The following GMDS variants were observed in gnomAD, a reference collection of about 807,000 sequenced individuals.
GMDS encodes GDP-mannose 4,6-dehydratase.
Under a neutral mutation model 49.9 loss-of-function variants are expected in GMDS, and 20 were observed. The observed-to-expected ratio is 0.40, with a 90% CI of 0.28 to 0.58. GMDS has a LOEUF of 0.58. GMDS is among the 20% of genes least tolerant of loss of function. GMDS has a pLI of 0.42. For missense variants in GMDS, 362 were observed against 481.4 expected (o/e 0.75, Z 2.32); for synonymous variants, 177 against 178.6 (o/e 0.99, Z 0.07).
chr6:1,949,778 C>T (rs1763251927), intron 6 of GMDS, among the ~76,000 whole-genome samples: 1 of 152,160 alleles, frequency 6.6e-6, no homozygotes, highest in Admixed American at 6.5e-5. Flanking sequence ...TAGCGGCCAA[C>T]AATCTAACCA....
At chr6:1,810,146 G>A (rs987837453) in intron 7 of GMDS, among the ~76,000 whole-genome samples, 1 of 152,162 alleles carries the variant, frequency 6.6e-6, no homozygotes, top group African/African-American at 2.4e-5. Flanking sequence ...CATTCCAGAG[G>A]AGAGGGAGCT....
chr6:2,101,777 G>A (rs1773941380), intron 4 of GMDS, among the ~76,000 whole-genome samples: 1 of 151,824 alleles, frequency 6.6e-6, no homozygotes, highest in African/African-American at 2.4e-5. Flanking sequence ...GAAAAACAAT[G>A]GCCACATGAG....
chr6:1,841,765 C>T (rs1757162052), intron 7 of GMDS, among the ~76,000 whole-genome samples: 1 of 152,084 alleles, frequency 6.6e-6, no homozygotes, highest in South Asian at 2.1e-4. Context: ...GGAGGAAGAA[C>T]CATGAGGAAG....
chr6:1,980,590 A>G (rs982938607), intron 4 of GMDS, among the ~76,000 whole-genome samples: 4 of 152,176 alleles, frequency 2.6e-5, no homozygotes, highest in African/African-American at 7.2e-5. Context: ...TTAGACTCCC[A>G]ACAATAATAG....
chr6:2,136,879 G>GGTGACAGA (rs1471058684), intron 1 of GMDS, among the ~76,000 whole-genome samples: 58 of 148,592 alleles, frequency 3.9e-4, no homozygotes, highest in Admixed American at 6.7e-4. Flanking sequence ...TTCTAGCCTG[G>GGTGACAGA]GTGACAGAGT....
Position 1,624,153 on chromosome 6 carries a change from G to A in GMDS, c.*16C>T. 1.2e-6 allele frequency: 2 copies of A among 1,604,978 alleles called. No individual in the cohort carries two copies. The highest frequency in any genetic ancestry group is 1.7e-6 in the Non-Finnish European group (2 of 1,178,290). On this transcript the variant is annotated 3_prime_UTR_variant, in exon 11 of 11. Coordinates refer to ENST00000380815, the MANE Select transcript of GMDS (RefSeq NM_001500.4). ...GGGATTGTAGCCGGAGGGCGGGCCG[G>A]GCTCCGAGGCGCTGCTCAGGCATTG...
chr6:2,089,480 G>A (rs1773196496), intron 4 of GMDS, among the ~76,000 whole-genome samples: 3 of 152,066 alleles, frequency 2.0e-5, no homozygotes. Context: ...TACAAAAGTT[G>A]AAGAAGGGAG....
intron 4 of GMDS, among the ~76,000 whole-genome samples, chr6:2,000,006 ATATTTTTTATATATATATATATC>A (rs1561962062): frequency 6.2e-4 from 5 of 8,074 alleles, no homozygotes; most frequent in Admixed American, 5.3e-3. Context: ...TTATATATAT[ATATTTTTTATATATATATATATC>A]TATATCTTTT....
chr6:1,781,724 C>A (rs1769094354), intron 7 of GMDS, among the ~76,000 whole-genome samples: 1 of 152,210 alleles, frequency 6.6e-6, no homozygotes, highest in Non-Finnish European at 1.5e-5. Flanking sequence ...TCATAACTTC[C>A]TTTCCTTTCA....
chr6:2,091,089 G>A lies in GMDS; in HGVS notation c.345+24682C>T, dbSNP rs142963273. On this transcript the variant is annotated intron_variant, in intron 4 of 10. Coordinates refer to ENST00000380815, the MANE Select transcript of GMDS (RefSeq NM_001500.4). ...TTGCTTCTTGGTTTATAGTATGGAA[G>A]ACTTCATAATGTTTAGTTGGAATTG... 3.0e-3 allele frequency among the ~76,000 whole-genome samples: 462 copies of A among 152,250 alleles called. 2 individuals carry two copies. The highest frequency in any genetic ancestry group is 0.01 in the African/African-American group (434 of 41,536).
rs149808394 is a variant in GMDS at position 2,062,257 on chromosome 6, T to C, written c.345+53514A>G. Reference sequence around the variant, plus strand: ...CACCTGAGAGTCCTGCATGGTTGCATGCAGCAGTCGCTCTTCTGGGGCATT... The same window carrying C: ...CACCTGAGAGTCCTGCATGGTTGCACGCAGCAGTCGCTCTTCTGGGGCATT... On this transcript the variant is annotated intron_variant, in intron 4 of 10. Transcript: ENST00000380815. Among the ~76,000 whole-genome samples, 852 of 152,338 alleles carry C rather than the reference T, an allele frequency of 5.6e-3. 11 individuals carry two copies. Among genetic ancestry groups the C allele is most frequent in the Non-Finnish European group, 7.7e-3 (521 of 68,028 alleles).
chr6:1,909,047 AACGCAGGATATTAGTC>A (rs1480772871), intron 7 of GMDS, among the ~76,000 whole-genome samples: 2 of 152,226 alleles, frequency 1.3e-5, no homozygotes, highest in Non-Finnish European at 2.9e-5. Context: ...TCCACCAGAA[AACGCAGGATATTAGTC>A]ACACCGGTCA....
intron 4 of GMDS, among the ~76,000 whole-genome samples, chr6:2,005,850 T>A (rs916565759): frequency 1.3e-5 from 2 of 152,140 alleles, no homozygotes; most frequent in African/African-American, 4.8e-5. Context: ...GGTCTTTATA[T>A]ATCACCACCT....
Position 2,050,999 on chromosome 6 carries a change from T to A in GMDS, c.345+64772A>T, listed in dbSNP as rs150514289. ...GGGAGGGATAGTATTAGGAGAAATATCTAATGTAAATAATGAGTTGATGGG... is the reference window on the plus strand; with the variant it reads ...GGGAGGGATAGTATTAGGAGAAATAACTAATGTAAATAATGAGTTGATGGG... On this transcript the variant is annotated intron_variant, in intron 4 of 10. Coordinates refer to ENST00000380815, the MANE Select transcript of GMDS (RefSeq NM_001500.4). Among the ~76,000 whole-genome samples, 848 of 152,086 alleles carry A rather than the reference T, an allele frequency of 5.6e-3. 6 individuals carry two copies. Among genetic ancestry groups the A allele is most frequent in the African/African-American group, 0.019 (793 of 41,472 alleles).
intron 7 of GMDS, among the ~76,000 whole-genome samples, chr6:1,819,990 C>A (rs1308577681): frequency 6.6e-6 from 1 of 151,718 alleles, no homozygotes; most frequent in Non-Finnish European, 1.5e-5. Flanking sequence ...GTACACTCTA[C>A]ACAATAACTA....
At chr6:1,869,789 C>A (rs1461228938) in intron 7 of GMDS, among the ~76,000 whole-genome samples, 1 of 152,240 alleles carries the variant, frequency 6.6e-6, no homozygotes, top group Non-Finnish European at 1.5e-5. Flanking sequence ...TGGATGGCGT[C>A]CCCTTCACAC....
At chr6:1,966,372 G>GAA (rs11377438) in intron 4 of GMDS, among the ~76,000 whole-genome samples, 332 of 141,966 alleles carry the variant, frequency 2.3e-3, no homozygotes, top group African/African-American at 3.4e-3. Context: ...TCAGACTGAT[G>GAA]AAAAAAAAAA....
intron 4 of GMDS, among the ~76,000 whole-genome samples, chr6:2,108,970 C>T (rs1774395170): frequency 6.6e-6 from 1 of 152,158 alleles, no homozygotes; most frequent in East Asian, 1.9e-4. Flanking sequence ...TAGAATACAT[C>T]ATAACAAGTT....
chr6:2,033,898 G>C (rs919339671), intron 4 of GMDS, among the ~76,000 whole-genome samples: 6 of 152,124 alleles, frequency 3.9e-5, no homozygotes, highest in African/African-American at 9.7e-5. Flanking sequence ...AAATATTCTG[G>C]AATCAGATCC....
Sources: gnomAD v4.1 joint callset for allele counts (sites outside exome capture counted in the v4.1 genomes callset) on GRCh38, gnomAD v4.1.1 for gene constraint, MANE v1.5 for transcripts, NCBI Gene and HGNC (gene_info 2026-07-23, HGNC 2026-07-21) for gene names.